Variants in CDH2 observed in about 807,000 individuals in gnomAD.
CDH2 encodes cadherin 2.
A neutral mutation model predicts 92.0 loss-of-function variants in CDH2; 17 were observed. The ratio of observed to expected loss-of-function variants is 0.18; its 90% CI spans 0.13 to 0.28. CDH2 has a LOEUF of 0.28. CDH2 is among the 10% of genes least tolerant of loss of function. The pLI is 1.00. For missense variants in CDH2, 862 were observed against 1,133.1 expected, an observed-to-expected ratio of 0.76 and a Z score of 3.44; for synonymous variants, 419 against 415.9, an observed-to-expected ratio of 1.01 and a Z score of -0.09.
intron 14 of CDH2, 65 bp from the exon 15 acceptor site, chr18:27,963,586 C>T (rs2011465566): frequency 1.4e-6 from 2 of 1,464,990 alleles, no homozygotes; most frequent in Non-Finnish European, 1.9e-6. Context: ...TACAACCTCG[C>T]TTTTTAAGCA....
At chr18:28,094,866 C>G (rs936101147) in intron 2 of CDH2, among the ~76,000 whole-genome samples, 3 of 134,046 alleles carry the variant, frequency 2.2e-5, no homozygotes, top group African/African-American at 8.9e-5. Flanking sequence ...AGAGACTTCA[C>G]ATTTTTAAAA....
chr18:28,054,231 G>A (rs1429826413), intron 2 of CDH2, among the ~76,000 whole-genome samples: 1 of 152,210 alleles, frequency 6.6e-6, no homozygotes, highest in African/African-American at 2.4e-5. Flanking sequence ...TCATGCATAA[G>A]AACCATGGAC....
intron 2 of CDH2, among the ~76,000 whole-genome samples, chr18:28,017,607 C>T (rs2013289035): frequency 6.6e-6 from 1 of 152,070 alleles, no homozygotes; most frequent in South Asian, 2.1e-4. Flanking sequence ...GTTTCAACTG[C>T]ATATAGTTGT....
chr18:28,113,873 C>T (rs17469008), intron 2 of CDH2, among the ~76,000 whole-genome samples: 6,847 of 152,008 alleles, frequency 0.045, 181 homozygotes, highest in South Asian at 0.082. Flanking sequence ...TCCCAAGAGG[C>T]ACAATGAAAA....
chr18:28,023,405 C>T (rs1015078067), intron 2 of CDH2, among the ~76,000 whole-genome samples: 4 of 152,154 alleles, frequency 2.6e-5, no homozygotes, highest in Non-Finnish European at 2.9e-5. Flanking sequence ...CTCACTGCAA[C>T]CTTTGCCTGC....
chr18:27,979,802 C>CA (rs1336646376), intron 14 of CDH2, among the ~76,000 whole-genome samples: 2 of 152,238 alleles, frequency 1.3e-5, no homozygotes, highest in East Asian at 3.9e-4. Context: ...TTACTTTGGA[C>CA]AGAGGGCAAA....
chr18:28,176,760 T>A (rs1314485946), intron 1 of CDH2, among the ~76,000 whole-genome samples: 1 of 151,542 alleles, frequency 6.6e-6, no homozygotes, highest in Non-Finnish European at 1.5e-5. Flanking sequence ...GCGAGAGACC[T>A]ACTGGCCCCG....
At chr18:28,119,635 T>C (rs1297048286) in intron 2 of CDH2, among the ~76,000 whole-genome samples, 1 of 152,158 alleles carries the variant, frequency 6.6e-6, no homozygotes, top group East Asian at 1.9e-4. Context: ...TATTTATATA[T>C]ACCACCTCTA....
rs767808415 is a variant in CDH2 at position 28,162,878 on chromosome 18, G to C, written c.60+14085C>G. 6.0e-4 allele frequency among the ~76,000 whole-genome samples: 92 copies of C among 152,176 alleles called. 1 individual carries two copies. Among genetic ancestry groups the C allele is most frequent in the Non-Finnish European group, 3.8e-4 (26 of 68,030 alleles). On this transcript the variant is annotated intron_variant, in intron 1 of 15. Transcript: ENST00000269141. ...ACCTATTGCAGAGGATTGATGTGAG[G>C]ATTATATGAAAATGCAGGTCAAGTG...
chr18:27,990,316 A>C lies in CDH2; in HGVS notation c.1379T>G (p.Leu460Arg). The C allele has an allele frequency of 6.2e-7, 1 of 1,613,830 alleles. No homozygotes were observed. Among genetic ancestry groups the C allele is most frequent in the Non-Finnish European group, 8.5e-7 (1 of 1,179,722 alleles). ...CACTTGATTTTCTGCAGCAACAGTA[A>C]GGACAAACATCCTATTTGTTTCAAA... ...IDFETNRMFV[L>R]TVAAENQVPL... The change falls in exon 10 of 16, where the codon CTT becomes CGT. Residue 460 changes from leucine (L) to arginine (R), a missense_variant. By Grantham distance (102) the Leu-to-Arg change is moderately radical. Transcript: ENST00000269141.
At chr18:28,150,659 G>GA (rs2016107145) in intron 1 of CDH2, among the ~76,000 whole-genome samples, 2 of 151,966 alleles carry the variant, frequency 1.3e-5, no homozygotes, top group South Asian at 4.1e-4. Flanking sequence ...GAGAATTATT[G>GA]AAAAAATGCT....
At chr18:28,047,925 T>C (rs1280138927) in intron 2 of CDH2, among the ~76,000 whole-genome samples, 1 of 149,994 alleles carries the variant, frequency 6.7e-6, no homozygotes, top group African/African-American at 2.5e-5. Flanking sequence ...AATTGTGATA[T>C]GTTTTTGCCT....
At chr18:28,115,995 G>A (rs2015490118) in intron 2 of CDH2, among the ~76,000 whole-genome samples, 1 of 152,032 alleles carries the variant, frequency 6.6e-6, no homozygotes, top group South Asian at 2.1e-4. Context: ...TTAATGAAGT[G>A]GTTCTCAACC....
At chr18:27,976,548 A>G (rs1264630949) in intron 14 of CDH2, among the ~76,000 whole-genome samples, 2 of 152,224 alleles carry the variant, frequency 1.3e-5, no homozygotes, top group Non-Finnish European at 2.9e-5. Context: ...AAGATATGAT[A>G]GACACCATTT....
chr18:28,159,664 T>C (rs892086765), intron 1 of CDH2, among the ~76,000 whole-genome samples: 6 of 151,642 alleles, frequency 4.0e-5, no homozygotes, highest in Admixed American at 3.3e-4. Flanking sequence ...TTTTGTTTTT[T>C]TTTTTTTTTT....
chr18:27,944,846 T>G (rs972555465), intron 6 of CDH2, among the ~76,000 whole-genome samples: 65 of 151,760 alleles, frequency 4.3e-4, no homozygotes, highest in African/African-American at 1.5e-3. Context: ...CCAAGAAGTT[T>G]GAGGCGGCTG....
chr18:28,171,580 AG>A (rs1431342660), intron 1 of CDH2, among the ~76,000 whole-genome samples: 1 of 152,228 alleles, frequency 6.6e-6, no homozygotes, highest in Non-Finnish European at 1.5e-5. Context: ...TAAAAAATAT[AG>A]ATGACTTTAA....
At chr18:28,145,777 C>G (rs1353563959) in intron 2 of CDH2, among the ~76,000 whole-genome samples, 1 of 151,396 alleles carries the variant, frequency 6.6e-6, no homozygotes, top group Non-Finnish European at 1.5e-5. Context: ...TATCCTTTAA[C>G]ATATTCTGAG....
chr18:27,948,833 ATTG>A (rs1406374769), downstream of CDH2, among the ~76,000 whole-genome samples: 1 of 151,966 alleles, frequency 6.6e-6, no homozygotes, highest in East Asian at 1.9e-4. Flanking sequence ...AGGAGTGTAC[ATTG>A]GCATAGTTTT....
Sources: allele counts gnomAD v4.1 joint callset (sites outside exome capture counted in the v4.1 genomes callset), GRCh38; gene constraint gnomAD v4.1.1; transcripts MANE v1.5; gene names NCBI Gene and HGNC (gene_info 2026-07-23, HGNC 2026-07-21).